Variants in SNED1 observed in about 807,000 individuals in gnomAD.
SNED1 encodes the protein sushi, nidogen and EGF like domains 1.
SNED1 carries 81 observed loss-of-function variants against 166.7 expected under a neutral mutation model. The observed-to-expected ratio is 0.49, with a 90% CI of 0.41 to 0.58. The LOEUF (loss-of-function observed/expected upper bound fraction) is 0.58, where lower values mean the gene tolerates loss of function less well. Ranked by LOEUF, SNED1 falls within the 20% of genes least tolerant of loss-of-function variation. The pLI is 0.00. For synonymous variants in SNED1, 762 were observed against 822.0 expected (o/e 0.93, Z 1.25); for missense variants, 1,604 against 2,000.2 (o/e 0.80, Z 3.78).
At chr2:241,085,521 T>C (rs1340727616) in intron 29 of SNED1, among the ~76,000 whole-genome samples, 1 of 152,208 alleles carries the variant, frequency 6.6e-6, no homozygotes, top group African/African-American at 2.4e-5. Context: ...TTATAATAGA[T>C]ATTTTAAGGT....
At chr2:241,048,466 G>A (rs1374011463) in intron 9 of SNED1, 26 bp downstream of exon 9, 6 of 1,575,748 alleles carry the variant, frequency 3.8e-6, no homozygotes, top group African/African-American at 2.7e-5. Flanking sequence ...AAGGGCTGCC[G>A]TTTTAGGGCT....
chr2:240,999,059 C>T lies in SNED1; in HGVS notation c.213+9C>T, dbSNP rs747795376. The T allele has an allele frequency of 7.0e-6, 9 of 1,278,218 alleles. No homozygotes were observed. In the South Asian group the frequency reaches 1.6e-4, roughly 22 times the overall value. The allele number at this position is 1,278,218 out of a possible 1,614,324, so 79.2% of individuals were successfully genotyped here. A position where few individuals can be genotyped will look rare whatever the true frequency, so the allele number is the denominator to read the frequency against. On this transcript the variant is annotated intron_variant, in intron 1 of 31. Transcript: ENST00000310397. The surrounding 1 kb of genome is among the most constrained non-coding windows in gnomAD (Gnocchi z 5.8). ...AGCACTCCGGACTCTACGTGAGTAACCCCCGGGCTCGCGGGGCGCCCGGGA... is the reference window on the plus strand; with the variant it reads ...AGCACTCCGGACTCTACGTGAGTAATCCCCGGGCTCGCGGGGCGCCCGGGA...
At chr2:241,060,371 C>T (rs1231135539) in intron 16 of SNED1, among the ~76,000 whole-genome samples, 2 of 152,058 alleles carry the variant, frequency 1.3e-5, no homozygotes, top group Non-Finnish European at 2.9e-5. Flanking sequence ...CTAATAGAGA[C>T]GGGGTTTCAC....
At chr2:241,059,160 G>T (rs570257853) in intron 16 of SNED1, among the ~76,000 whole-genome samples, 31 of 152,264 alleles carry the variant, frequency 2.0e-4, no homozygotes, top group African/African-American at 7.5e-4. Context: ...TAGGGGAAAT[G>T]GATACCCTGA....
chr2:241,090,903 G>A (rs28479891), intron 31 of SNED1, among the ~76,000 whole-genome samples: 2,504 of 151,470 alleles, frequency 0.017, 62 homozygotes, highest in African/African-American at 0.058. Context: ...AATTCTGTAC[G>A]ATGGCTATGA....
At chr2:241,039,194 G>A (rs1420862845) in intron 6 of SNED1, among the ~76,000 whole-genome samples, 1 of 152,178 alleles carries the variant, frequency 6.6e-6, no homozygotes, top group Admixed American at 6.5e-5. Context: ...AAAGGCTAGG[G>A]TGTGCATGCT....
In SNED1 at chr2:241,067,431, G is replaced by A. The variant is rs1470892140; in HGVS notation, c.3011-333G>A. Among the ~76,000 whole-genome samples the A allele has an allele frequency of 3.9e-5, 6 of 152,208 alleles. No individual in the cohort carries two copies. The South Asian group carries it at 1.2e-3, about 32-fold the overall frequency. ...CTGGCACAGAAAAGGGGAGGTCCGG[G>A]TTACTCATGTCCAGAGGGACTCCGG... On this transcript the variant is annotated intron_variant, in intron 21 of 31. Transcript: ENST00000310397.
At chr2:241,054,170 C>T (rs1422317799) in intron 16 of SNED1, among the ~76,000 whole-genome samples, 3 of 152,014 alleles carry the variant, frequency 2.0e-5, no homozygotes, top group Admixed American at 6.6e-5. Context: ...TTGGAGATGA[C>T]CCCCCCTCCC....
intron 1 of SNED1, among the ~76,000 whole-genome samples, chr2:241,004,111 A>G (rs1338661821): frequency 6.6e-6 from 1 of 152,218 alleles, no homozygotes; most frequent in Admixed American, 6.5e-5. Context: ...TTGAGGCACA[A>G]AATGATCCCC....
intron 16 of SNED1, among the ~76,000 whole-genome samples, chr2:241,061,253 A>G (rs1489842224): frequency 6.6e-6 from 1 of 152,266 alleles, no homozygotes; most frequent in Non-Finnish European, 1.5e-5. Context: ...CAAAAGGCCA[A>G]CAAACATAAA....
intron 29 of SNED1, among the ~76,000 whole-genome samples, chr2:241,084,230 G>A (rs1158752578): frequency 6.7e-6 from 1 of 149,624 alleles, no homozygotes; most frequent in Non-Finnish European, 1.5e-5. Flanking sequence ...TCTGCCTCCT[G>A]GGTTCAAGCA....
chr2:241,062,656 C>A, intron 16 of SNED1, 135 bp from the exon 17 acceptor site: 1 of 709,892 alleles, frequency 1.4e-6, no homozygotes, highest in Non-Finnish European at 2.5e-6. Flanking sequence ...GGATATCCAG[C>A]CCTGGTCTCT....
chr2:241,029,953 C>T (rs1306565269), intron 1 of SNED1, among the ~76,000 whole-genome samples: 2 of 152,268 alleles, frequency 1.3e-5, no homozygotes, highest in South Asian at 2.1e-4. Context: ...CTGGGCAGGC[C>T]CAAGTGCCCC....
At chr2:241,046,074 A>T (rs914839003) in intron 8 of SNED1, among the ~76,000 whole-genome samples, 4 of 152,240 alleles carry the variant, frequency 2.6e-5, no homozygotes, top group African/African-American at 7.2e-5. Flanking sequence ...CTTGTCATTA[A>T]TATCAGCCAT....
chr2:241,030,561 C>A lies in SNED1; in HGVS notation c.491C>A (p.Ser164Tyr). ...CGAGTGACCTTCTTTGGAGGCAGTT[C>A]CTCATCCCCTGTGAGTCCAGGCACT... ...WYRVTFFGGS[S>Y]SSPVNTFQTV... The change falls in exon 2 of 32, where the codon TCC (serine) becomes TAC (tyrosine). Residue 164 changes from serine (S) to tyrosine (Y), a missense_variant. Around this residue, in one of 2 missense-constraint regions of SNED1, gnomAD observed 1,237 missense variants for 1,620.8 expected, o/e 0.76. Transcript: ENST00000310397. The A allele has an allele frequency of 6.2e-7, 1 of 1,613,650 alleles. No homozygotes were observed. The highest frequency in any genetic ancestry group is 8.5e-7 in the Non-Finnish European group (1 of 1,179,786).
In SNED1 at chr2:241,040,411, C is replaced by T; in HGVS notation, c.1271C>T (p.Thr424Ile). The stretch of plus-strand genomic sequence containing the variant: ...CCCTTCAAGGGACTTCGCTGTGAGA[C>T]AGGTAACTGGCCAAGTGCCTGCAGG... ...AEPFKGLRCE[T>I]GDHPVPDACL... Residue 424 changes from threonine (T) to isoleucine (I), a missense_variant and splice_region_variant, in exon 8 of 32, where the codon ACA (threonine) becomes ATA (isoleucine). This residue lies in a region of SNED1 where 1,237 missense variants were observed against 1,620.8 expected (regional missense o/e 0.76). Coordinates refer to ENST00000310397, the MANE Select transcript of SNED1 (RefSeq NM_001080437.3). 1 of 1,580,728 alleles carries T rather than the reference C, an allele frequency of 6.3e-7. No individual in the cohort carries two copies. Among genetic ancestry groups the T allele is most frequent in the Non-Finnish European group, 8.6e-7 (1 of 1,161,492 alleles).
At chr2:241,089,865 A>G in intron 31 of SNED1, 1 of 1,458,682 alleles carries the variant, frequency 6.9e-7, no homozygotes, top group Non-Finnish European at 9.1e-7. Context: ...CGGGCTACAC[A>G]CCACAGCGTG....
At chr2:241,049,506 C>T (rs1007971691) in intron 11 of SNED1, among the ~76,000 whole-genome samples, 1 of 152,194 alleles carries the variant, frequency 6.6e-6, no homozygotes, top group African/African-American at 2.4e-5. Flanking sequence ...ACTTGCATCA[C>T]GTATAGTTAT....
intron 1 of SNED1, among the ~76,000 whole-genome samples, chr2:241,017,373 C>T (rs945040040): frequency 2.0e-5 from 3 of 152,194 alleles, no homozygotes; most frequent in South Asian, 2.1e-4. Flanking sequence ...ACCAAGGAGA[C>T]GCCGTACACA....
Sources: gnomAD v4.1 joint callset for allele counts (sites outside exome capture counted in the v4.1 genomes callset) on GRCh38, gnomAD v4.1.1 for gene constraint, gnomAD v4.1.1 regional missense constraint, Gnocchi (gnomAD v3.1) non-coding constraint, MANE v1.5 for transcripts, NCBI Gene and HGNC (gene_info 2026-07-23, HGNC 2026-07-21) for gene names.